Variants in CNNM4 observed in about 807,000 individuals in gnomAD.
CNNM4 encodes the protein metal transporter CNNM4.
In CNNM4, 32 loss-of-function variants were observed where a neutral mutation model predicts 53.7. That is an observed-to-expected ratio of 0.60 (90% CI 0.45 to 0.80). CNNM4 has a LOEUF of 0.80. Ranked by LOEUF, CNNM4 falls within the 30% of genes least tolerant of loss-of-function variation. CNNM4 has a pLI of 0.00. For synonymous variants in CNNM4, 410 were observed against 440.0 expected, an observed-to-expected ratio of 0.93 and a Z score of 0.85; for missense variants, 784 against 1,022.0, an observed-to-expected ratio of 0.77 and a Z score of 3.17.
intron 3 of CNNM4, 82 bp from the exon 4 acceptor site, chr2:96,798,975 T>C (rs1013003569): frequency 7.3e-7 from 1 of 1,372,264 alleles, no homozygotes; most frequent in South Asian, 1.2e-5. Context: ...GCTGCTGTGG[T>C]TGGGGTGGAG....
At chr2:96,806,310 G>T (rs1021833973) in intron 5 of CNNM4, among the ~76,000 whole-genome samples, 1 of 151,838 alleles carries the variant, frequency 6.6e-6, no homozygotes, top group African/African-American at 2.4e-5. Context: ...TTTTGATAAC[G>T]TCAGTCATAA....
Position 96,761,641 on chromosome 2 carries a change from G to GCA in CNNM4, c.643_644insAC (p.Arg215HisfsTer35). The GCA allele has an allele frequency of 6.2e-7, 1 of 1,613,456 alleles. No homozygotes were observed. The highest frequency in any genetic ancestry group is 8.5e-7 in the Non-Finnish European group (1 of 1,180,014). ...TTATGGCCCTGGACCCCATGGAGCT[G>GCA]CGCATCGTGCAGAACTGTGGCACCG... On this transcript the variant is annotated frameshift_variant, in exon 1 of 7. Transcript: ENST00000377075. LOFTEE classifies it high-confidence loss of function. The surrounding 1 kb of genome is among the most constrained non-coding windows in gnomAD (Gnocchi z 6.0).
At chr2:96,781,837 G>A (rs2078978319) in intron 1 of CNNM4, among the ~76,000 whole-genome samples, 2 of 152,126 alleles carry the variant, frequency 1.3e-5, no homozygotes, top group African/African-American at 4.8e-5. Context: ...CTCCTGGGAA[G>A]GCTTTCAAAG....
chr2:96,808,186 C>T lies in CNNM4; in HGVS notation c.1949-375C>T, dbSNP rs2079225848. 6.6e-6 allele frequency among the ~76,000 whole-genome samples: 1 copy of T among 152,052 alleles called. No individual in the cohort carries two copies. The highest frequency in any genetic ancestry group is 6.5e-5 in the Admixed American group (1 of 15,272). ...TACAAATGTGAACCACTGTGCCCAG[C>T]CTAAGAATGGCAGTTTGCCTGTCCT... On this transcript the variant is annotated intron_variant, in intron 5 of 6. Coordinates refer to ENST00000377075, the MANE Select transcript of CNNM4 (RefSeq NM_020184.4). This position sits in a 1 kb window ranked among gnomAD's most constrained non-coding sequence, Gnocchi z 4.9.
Position 96,764,897 on chromosome 2 carries a change from G to T in CNNM4, c.1402+2496G>T, listed in dbSNP as rs372848106. Reference sequence around the variant, plus strand: ...AGCTAGTCAGGAGGCTGAGGCAGGAGAATCGCTTGAACCCGGGAGGCAGAG... The same window carrying T: ...AGCTAGTCAGGAGGCTGAGGCAGGATAATCGCTTGAACCCGGGAGGCAGAG... On this transcript the variant is annotated intron_variant, in intron 1 of 6. Transcript: ENST00000377075. Among the ~76,000 whole-genome samples, 25 of 151,774 alleles carry T rather than the reference G, an allele frequency of 1.6e-4. 2 individuals are homozygous for T. Among genetic ancestry groups the T allele is most frequent in the Admixed American group, 6.6e-4 (10 of 15,248 alleles).
chr2:96,789,754 G>A (rs2153347804), intron 1 of CNNM4, among the ~76,000 whole-genome samples: 1 of 150,864 alleles, frequency 6.6e-6, no homozygotes, highest in South Asian at 2.1e-4. Flanking sequence ...GTACAGTGGT[G>A]CGATCTCGGC....
At position 96,801,186 on chromosome 2, in the gene CNNM4, C is replaced by T; in HGVS notation, c.1948+1538C>T. On this transcript the variant is annotated intron_variant, in intron 5 of 6. Transcript: ENST00000377075. The surrounding 1 kb of genome is among the most constrained non-coding windows in gnomAD (Gnocchi z 5.6). ...CTGCCACCTGCTGCCTGTGCCTGCA[C>T]ACTGCAGCTGCATTAACCTCCCCAC... The T allele has an allele frequency of 1.1e-6, 1 of 917,026 alleles. No homozygotes were observed. Among genetic ancestry groups the T allele is most frequent in the Non-Finnish European group, 1.3e-6 (1 of 767,478 alleles). 56.8% of individuals were successfully genotyped at this position (917,026 alleles called of 1,614,324 possible).
chr2:96,773,406 C>T (rs1363357554), intron 1 of CNNM4, among the ~76,000 whole-genome samples: 5 of 152,130 alleles, frequency 3.3e-5, no homozygotes, highest in Non-Finnish European at 7.3e-5. Context: ...CCAAAGGTGC[C>T]CCAGTTGACA....
At chr2:96,787,759 C>A (rs2079027231) in intron 1 of CNNM4, among the ~76,000 whole-genome samples, 1 of 152,070 alleles carries the variant, frequency 6.6e-6, no homozygotes, top group African/African-American at 2.4e-5. Context: ...ACTTGGGAGG[C>A]TGAGGTAGGA....
chr2:96,777,144 C>T (rs2078932102), intron 1 of CNNM4, among the ~76,000 whole-genome samples: 1 of 152,142 alleles, frequency 6.6e-6, no homozygotes, highest in Admixed American at 6.6e-5. Flanking sequence ...CCTCAGCCTC[C>T]CGAGTAGCTG....
At chr2:96,802,394 C>T (rs971026270) in intron 5 of CNNM4, among the ~76,000 whole-genome samples, 5 of 152,256 alleles carry the variant, frequency 3.3e-5, no homozygotes, top group Non-Finnish European at 2.9e-5. Context: ...GCCACCCACA[C>T]ACCGTGTCAG....
At chr2:96,776,143 C>T (rs1285657284) in intron 1 of CNNM4, among the ~76,000 whole-genome samples, 1 of 151,676 alleles carries the variant, frequency 6.6e-6, no homozygotes, top group Non-Finnish European at 1.5e-5. Flanking sequence ...ATTCCTCCGC[C>T]TCAGCCTCCC....
chr2:96,763,416 G>C (rs1461107827), intron 1 of CNNM4, among the ~76,000 whole-genome samples: 1 of 152,208 alleles, frequency 6.6e-6, no homozygotes, highest in Non-Finnish European at 1.5e-5. Context: ...ACCCTCCCAG[G>C]CTGAAGGAAG....
intron 1 of CNNM4, among the ~76,000 whole-genome samples, chr2:96,776,093 A>G (rs1478463298): frequency 7.8e-6 from 1 of 128,990 alleles, no homozygotes. Context: ...CAGTGGCGTG[A>G]TCTCAGCTCA....
intron 1 of CNNM4, among the ~76,000 whole-genome samples, chr2:96,784,372 T>G (rs2078999477): frequency 6.6e-6 from 1 of 152,220 alleles, no homozygotes; most frequent in African/African-American, 2.4e-5. Flanking sequence ...GGGCTTTGCT[T>G]CAAAATCAGT....
Position 96,761,252 on chromosome 2 carries a change from A to C in CNNM4, c.253A>C (p.Asn85His). The change falls in exon 1 of 7, where the codon AAC (asparagine) becomes CAC (histidine). Residue 85 changes from asparagine to histidine, a missense_variant. Around this residue, in one of 3 missense-constraint regions of CNNM4, gnomAD observed 473 missense variants for 624.6 expected, o/e 0.76. Transcript: ENST00000377075. This position sits in a 1 kb window ranked among gnomAD's most constrained non-coding sequence, Gnocchi z 6.0. The part of the protein sequence containing the change: ...NLRLYGYSLG[N>H]ISSNLISFTE... The stretch of plus-strand genomic sequence containing the variant: ...GAGGCTGTACGGCTACAGCCTGGGC[A>C]ACATCTCCAGCAACCTGATCTCCTT... The C allele has an allele frequency of 6.2e-7, 1 of 1,614,110 alleles. No individual in the cohort carries two copies. The highest frequency in any genetic ancestry group is 8.5e-7 in the Non-Finnish European group (1 of 1,179,996).
At chr2:96,792,302 A>C (rs1173156322) in intron 1 of CNNM4, among the ~76,000 whole-genome samples, 1 of 152,034 alleles carries the variant, frequency 6.6e-6, no homozygotes, top group Non-Finnish European at 1.5e-5. Flanking sequence ...GAATTTATAC[A>C]ATGAGAATCC....
At chr2:96,762,448 C>G in intron 1 of CNNM4, 47 bp downstream of exon 1, 1 of 1,547,314 alleles carries the variant, frequency 6.5e-7, no homozygotes, top group Non-Finnish European at 8.9e-7. Context: ...CTTGACGCCT[C>G]TTTTCCCCTG....
intron 1 of CNNM4, among the ~76,000 whole-genome samples, chr2:96,786,344 G>A (rs1049373247): frequency 2.0e-5 from 3 of 151,526 alleles, no homozygotes; most frequent in Non-Finnish European, 4.4e-5. Context: ...AACCTGGGAG[G>A]CAGAGGCTGC....
Sources: allele counts gnomAD v4.1 joint callset (sites outside exome capture counted in the v4.1 genomes callset), GRCh38; gene constraint gnomAD v4.1.1; regional missense constraint gnomAD v4.1.1; non-coding constraint Gnocchi (gnomAD v3.1); transcripts MANE v1.5; gene names NCBI Gene and HGNC (gene_info 2026-07-23, HGNC 2026-07-21).